The following PHACTR4 variants were observed in gnomAD, a reference collection of about 807,000 sequenced individuals.
PHACTR4 encodes phosphatase and actin regulator 4.
Under a neutral mutation model 72.7 loss-of-function variants are expected in PHACTR4, and 51 were observed. The ratio of observed to expected loss-of-function variants is 0.70; its 90% CI spans 0.56 to 0.89. The LOEUF (loss-of-function observed/expected upper bound fraction) is 0.89. Ranked by LOEUF, PHACTR4 falls within the 40% of genes least tolerant of loss-of-function variation. The probability of loss-of-function intolerance (pLI) is 0.00; values close to 1 mark genes in which losing one functional copy is unlikely to be tolerated. For missense variants in PHACTR4, 731 were observed against 861.8 expected (o/e 0.85, Z 1.90); for synonymous variants, 255 against 302.5 (o/e 0.84, Z 1.63).
At chr1:28,469,760 A>C (rs550591173) in intron 6 of PHACTR4, among the ~76,000 whole-genome samples, 1 of 152,226 alleles carries the variant, frequency 6.6e-6, no homozygotes, top group African/African-American at 2.4e-5. Flanking sequence ...GCCTTTTTTA[A>C]AATTTATTTA....
intron 2 of PHACTR4, among the ~76,000 whole-genome samples, chr1:28,436,557 A>C (rs1246971030): frequency 6.6e-6 from 1 of 152,216 alleles, no homozygotes; most frequent in Non-Finnish European, 1.5e-5. Context: ...GGTGATGATT[A>C]AATGCAGTAA....
chr1:28,384,583 G>A (rs900240474), intron 1 of PHACTR4, among the ~76,000 whole-genome samples: 2 of 152,050 alleles, frequency 1.3e-5, no homozygotes, highest in African/African-American at 2.4e-5. Context: ...CTAGCAGTCT[G>A]TTGTATTACT....
chr1:28,466,894 A>G (rs1393363669), intron 6 of PHACTR4, 126 bp downstream of exon 6: 19 of 1,353,334 alleles, frequency 1.4e-5, no homozygotes, highest in Non-Finnish European at 1.7e-5. Context: ...CCTTTGAATG[A>G]CCTCAATATG....
At chr1:28,373,450 C>T (rs1216975596) in intron 1 of PHACTR4, among the ~76,000 whole-genome samples, 1 of 152,072 alleles carries the variant, frequency 6.6e-6, no homozygotes, top group Admixed American at 6.6e-5. Flanking sequence ...GCCAACATGC[C>T]TGGCTAATTT....
chr1:28,436,884 T>C (rs1401784549), intron 2 of PHACTR4, among the ~76,000 whole-genome samples: 1 of 152,246 alleles, frequency 6.6e-6, no homozygotes. Flanking sequence ...AGGGCTACTC[T>C]TTGTAATTTT....
intron 1 of PHACTR4, among the ~76,000 whole-genome samples, chr1:28,374,934 A>G (rs1651525195): frequency 6.6e-6 from 1 of 152,196 alleles, no homozygotes; most frequent in Non-Finnish European, 1.5e-5. Context: ...GATTGTTTCT[A>G]AGAGGGAGTA....
chr1:28,482,851 A>G (rs1660364527), intron 9 of PHACTR4, among the ~76,000 whole-genome samples: 1 of 151,674 alleles, frequency 6.6e-6, no homozygotes, highest in Non-Finnish European at 1.5e-5. Flanking sequence ...AGGTAGAAGG[A>G]TCACTTGAGC....
intron 1 of PHACTR4, among the ~76,000 whole-genome samples, chr1:28,401,799 A>G (rs1053979351): frequency 2.6e-5 from 4 of 152,068 alleles, no homozygotes; most frequent in African/African-American, 9.7e-5. Context: ...GGATTTTACT[A>G]TGTTGCCCAA....
intron 10 of PHACTR4, 74 bp downstream of exon 10, chr1:28,489,299 A>C: frequency 7.7e-7 from 1 of 1,305,288 alleles, no homozygotes; most frequent in Middle Eastern, 1.9e-4. Context: ...CATAAAAGAA[A>C]AAAGAAGCGT....
rs777503797 is a variant in PHACTR4, at chr1:28,476,188, A to T, written c.1503A>T (p.Lys501Asn). 6.2e-6 allele frequency: 10 copies of T among 1,612,554 alleles called. No individual in the cohort carries two copies. The highest frequency in any genetic ancestry group is 5.1e-6 in the Non-Finnish European group (6 of 1,179,184). Reference protein sequence around the residue: ...EEMTPTSVIPKLPQCLREEEE... With the variant: ...EEMTPTSVIPNLPQCLREEEE... ...TGACACCTACCTCAGTCATTCCTAA[A>T]TTACCACAGTGTCTACGGGAGGAAG... The change falls in exon 8 of 14, where the codon AAA becomes AAT. Residue 501 changes from lysine to asparagine, a missense_variant. Lys to Asn is a moderately conservative substitution (Grantham distance 94). Transcript: ENST00000373839.
intron 2 of PHACTR4, among the ~76,000 whole-genome samples, chr1:28,410,792 C>T (rs1654727925): frequency 1.3e-5 from 2 of 152,070 alleles, no homozygotes; most frequent in Admixed American, 6.6e-5. Flanking sequence ...CTGCAACCTC[C>T]ACCTCCCGGG....
At chr1:28,457,313 G>A (rs1347095166) in intron 2 of PHACTR4, 1 of 447,920 alleles carries the variant, frequency 2.2e-6, no homozygotes, top group South Asian at 1.6e-5. Context: ...AAGAGAGAGA[G>A]GCCAGGTGTG....
chr1:28,380,269 G>A (rs1390380004), intron 1 of PHACTR4, among the ~76,000 whole-genome samples: 2 of 150,798 alleles, frequency 1.3e-5, no homozygotes, highest in African/African-American at 4.9e-5. Flanking sequence ...TGTTAGCCAG[G>A]ATGGTCTCGA....
chr1:28,376,312 CA>C (rs548365936), intron 1 of PHACTR4, among the ~76,000 whole-genome samples: 50,343 of 129,782 alleles, frequency 0.39, 10,046 homozygotes, highest in African/African-American at 0.57. Flanking sequence ...GACCTTGTCT[CA>C]AAAAAAAAAA....
At chr1:28,393,564 T>C (rs1653229445) in intron 1 of PHACTR4, among the ~76,000 whole-genome samples, 1 of 152,176 alleles carries the variant, frequency 6.6e-6, no homozygotes, top group African/African-American at 2.4e-5. Context: ...GTGCTGGCAG[T>C]CATATAAAAC....
intron 13 of PHACTR4, among the ~76,000 whole-genome samples, chr1:28,493,485 C>T (rs187837021): frequency 3.3e-5 from 5 of 150,190 alleles, no homozygotes; most frequent in African/African-American, 1.2e-4. Context: ...TTGTAGTGAG[C>T]TGAGATCATG....
intron 9 of PHACTR4, among the ~76,000 whole-genome samples, chr1:28,487,019 C>G (rs1001391797): frequency 6.6e-6 from 1 of 151,960 alleles, no homozygotes; most frequent in South Asian, 2.1e-4. Flanking sequence ...AAAAATTAGC[C>G]AGCCCAGTCT....
At chr1:28,488,696 A>G (rs1031945427) in intron 9 of PHACTR4, among the ~76,000 whole-genome samples, 3 of 150,768 alleles carry the variant, frequency 2.0e-5, no homozygotes, top group Admixed American at 6.6e-5. Flanking sequence ...AAGTTTTGTG[A>G]AAAAAAAAAT....
chr1:28,432,674 G>T (rs375704993), intron 2 of PHACTR4, among the ~76,000 whole-genome samples: 19 of 152,040 alleles, frequency 1.2e-4, no homozygotes, highest in African/African-American at 4.6e-4. Flanking sequence ...TCTCATTAGA[G>T]GGCTTTAAGT....
Sources: gnomAD v4.1 joint callset for allele counts (sites outside exome capture counted in the v4.1 genomes callset) on GRCh38, gnomAD v4.1.1 for gene constraint, MANE v1.5 for transcripts, NCBI Gene and HGNC (gene_info 2026-07-23, HGNC 2026-07-21) for gene names.